Variants in FSTL1 observed in about 807,000 individuals in gnomAD.
FSTL1 encodes the protein follistatin-related protein 1.
A neutral mutation model predicts 45.9 loss-of-function variants in FSTL1; 24 were observed. The observed-to-expected ratio is 0.52, with a 90% CI of 0.38 to 0.74. The LOEUF (loss-of-function observed/expected upper bound fraction) is 0.74, where lower values mean the gene tolerates loss of function less well. Ranked by LOEUF, FSTL1 falls within the 30% of genes least tolerant of loss-of-function variation. The probability of loss-of-function intolerance (pLI) is 0.00; values close to 1 mark genes in which losing one functional copy is unlikely to be tolerated. For synonymous variants in FSTL1, 120 were observed against 137.6 expected (o/e 0.87, Z 0.89); for missense variants, 340 against 381.8 (o/e 0.89, Z 0.91).
At chr3:120,404,737 T>A in intron 7 of FSTL1, 116 bp downstream of exon 7, 1 of 704,842 alleles carries the variant, frequency 1.4e-6, no homozygotes, top group Non-Finnish European at 2.6e-6. Context: ...CCCATTTTGC[T>A]TTTTACGTGA....
At chr3:120,447,736 C>T (rs1171862036) in intron 2 of FSTL1, among the ~76,000 whole-genome samples, 1 of 152,216 alleles carries the variant, frequency 6.6e-6, no homozygotes, top group African/African-American at 2.4e-5. Context: ...GCAGCCTCAA[C>T]CTCCTGGGTT....
chr3:120,435,614 A>C (rs537430297), intron 2 of FSTL1, among the ~76,000 whole-genome samples: 1 of 152,192 alleles, frequency 6.6e-6, no homozygotes, highest in Non-Finnish European at 1.5e-5. Flanking sequence ...AGCCTCAGCT[A>C]TCTATCTGAG....
chr3:120,412,082 G>T (rs1937068915), intron 3 of FSTL1, 99 bp from the exon 4 acceptor site: 1 of 1,080,204 alleles, frequency 9.3e-7, no homozygotes, highest in Non-Finnish European at 1.4e-6. Context: ...GAGCCATTTT[G>T]TAAGGGGACT....
chr3:120,408,616 T>C (rs1214578076), intron 6 of FSTL1, among the ~76,000 whole-genome samples: 1 of 152,170 alleles, frequency 6.6e-6, no homozygotes, highest in Non-Finnish European at 1.5e-5. Context: ...AGGGAGTAGA[T>C]GGCTGGGGCA....
chr3:120,447,012 G>C (rs1170796981), intron 2 of FSTL1, among the ~76,000 whole-genome samples: 3 of 152,178 alleles, frequency 2.0e-5, no homozygotes, highest in Non-Finnish European at 4.4e-5. Context: ...GAATCATAGT[G>C]ACAGCAGAGA....
At chr3:120,399,610 A>T (rs1936777279) in intron 10 of FSTL1, among the ~76,000 whole-genome samples, 1 of 151,930 alleles carries the variant, frequency 6.6e-6, no homozygotes, top group Admixed American at 6.6e-5. Flanking sequence ...CTTCCACCTC[A>T]TTTGCAAATC....
At chr3:120,444,568 A>G (rs1199481759) in intron 2 of FSTL1, among the ~76,000 whole-genome samples, 1 of 149,878 alleles carries the variant, frequency 6.7e-6, no homozygotes, top group East Asian at 1.9e-4. Flanking sequence ...CAGTGCCTTG[A>G]CATCGTGACG....
chr3:120,402,411 T>C (rs1936843566), intron 9 of FSTL1, among the ~76,000 whole-genome samples: 1 of 151,966 alleles, frequency 6.6e-6, no homozygotes, highest in Non-Finnish European at 1.5e-5. Context: ...TATTCCATTA[T>C]TATTTTTGAT....
intron 2 of FSTL1, among the ~76,000 whole-genome samples, chr3:120,420,438 A>G (rs1937257914): frequency 6.6e-6 from 1 of 152,208 alleles, no homozygotes; most frequent in African/African-American, 2.4e-5. Flanking sequence ...TCTGCCTGCA[A>G]TGGAGAAACA....
intron 2 of FSTL1, among the ~76,000 whole-genome samples, chr3:120,436,120 G>T (rs1367779476): frequency 1.3e-5 from 1 of 78,874 alleles, no homozygotes. Flanking sequence ...CCCCAACATG[G>T]TTTCTTATTA....
At position 120,411,869 on chromosome 3, in the gene FSTL1, C is replaced by T. The variant is rs199556968; in HGVS notation, c.283G>A (p.Asp95Asn). The T allele has an allele frequency of 5.3e-5, 85 of 1,614,018 alleles. No homozygotes were observed. The East Asian group carries it at 8.9e-4, about 17-fold the overall frequency. The change falls in exon 4 of 11, where the codon GAT becomes AAT. Residue 95 changes from aspartate to asparagine, a missense_variant. Physicochemically the swap from Asp to Asn is conservative, Grantham distance 23. Transcript: ENST00000295633. The part of the protein sequence containing the change: ...LTGSKIQVDY[D>N]GHCKEKKSVS... ...CACACCTTACCTTTGCAGTGTCCAT[C>T]GTAATCAACCTGGATTTTGGATCCA...
Position 120,394,663 on chromosome 3 carries a change from C to G in FSTL1, c.*2289G>C, listed in dbSNP as rs1447943112. 1 of 152,220 alleles carries G rather than the reference C, an allele frequency of 6.6e-6. No homozygotes were observed. Among genetic ancestry groups the G allele is most frequent in the Non-Finnish European group, 1.5e-5 (1 of 68,052 alleles). 9.4% of individuals were successfully genotyped at this position (152,220 alleles called of 1,614,324 possible). On this transcript the variant is annotated 3_prime_UTR_variant, in exon 11 of 11. Transcript: ENST00000295633. Reference sequence around the variant, plus strand: ...GGCTAAGCCCTATGCTTTTAGAGGGCTGAAGGAACCAAACCTAGTTTAATC... The same window carrying G: ...GGCTAAGCCCTATGCTTTTAGAGGGGTGAAGGAACCAAACCTAGTTTAATC...
intron 2 of FSTL1, among the ~76,000 whole-genome samples, chr3:120,418,401 C>G (rs1410014610): frequency 2.6e-5 from 4 of 152,126 alleles, no homozygotes; most frequent in Non-Finnish European, 5.9e-5. Flanking sequence ...TTATAAATAT[C>G]CGGCATCCTA....
At chr3:120,426,376 C>G (rs989875594) in intron 2 of FSTL1, among the ~76,000 whole-genome samples, 9 of 152,090 alleles carry the variant, frequency 5.9e-5, no homozygotes, top group African/African-American at 2.2e-4. Flanking sequence ...GCCCTGAACC[C>G]ATTAGGATTT....
chr3:120,428,001 TA>T (rs113674796), intron 2 of FSTL1, among the ~76,000 whole-genome samples: 3,411 of 152,226 alleles, frequency 0.022, 110 homozygotes, highest in African/African-American at 0.067. Context: ...ATGGGCTTAT[TA>T]TCTGAGGCCA....
chr3:120,430,142 T>G (rs978037649), intron 2 of FSTL1, among the ~76,000 whole-genome samples: 3 of 152,230 alleles, frequency 2.0e-5, no homozygotes, highest in Non-Finnish European at 4.4e-5. Flanking sequence ...ATTATGAGCA[T>G]GTGGTTCAGC....
At position 120,403,351 on chromosome 3, in the gene FSTL1, T is replaced by C; in HGVS notation, c.585A>G (p.Gly195=). 6.3e-7 allele frequency: 1 copy of C among 1,577,298 alleles called. No homozygotes were observed. The highest frequency in any genetic ancestry group is 8.7e-7 in the Non-Finnish European group (1 of 1,146,728). ...GTTCAATGAGAGCATCAACACAGAG[T>C]CCCCTGAAACAAAACACAGGAGAAA... ...PDQENNKLLR[G]LCVDALIELS... The change falls in exon 8 of 11, where the codon GGA becomes GGG. Residue 195 remains glycine (G), a synonymous_variant. Transcript: ENST00000295633.
At chr3:120,450,589 C>G (rs1430950447) in intron 2 of FSTL1, 95 bp downstream of exon 2, 2 of 766,022 alleles carry the variant, frequency 2.6e-6, no homozygotes, top group Non-Finnish European at 3.9e-6. Flanking sequence ...AGCGCCACCC[C>G]GGGAGAGCAT....
chr3:120,449,754 A>G (rs1193656631), intron 2 of FSTL1, among the ~76,000 whole-genome samples: 1 of 152,210 alleles, frequency 6.6e-6, no homozygotes, highest in African/African-American at 2.4e-5. Context: ...AAAAAATTCA[A>G]ACAGGGAGCA....
Sources: allele counts gnomAD v4.1 joint callset (sites outside exome capture counted in the v4.1 genomes callset), GRCh38; gene constraint gnomAD v4.1.1; transcripts MANE v1.5; gene names NCBI Gene and HGNC (gene_info 2026-07-23, HGNC 2026-07-21).